The following ROBO2 variants were observed in gnomAD, a reference collection of about 807,000 sequenced individuals.
ROBO2 encodes roundabout guidance receptor 2, also known as roundabout homolog 2.
Under a neutral mutation model 160.8 loss-of-function variants are expected in ROBO2, and 53 were observed. The ratio of observed to expected loss-of-function variants is 0.33; its 90% CI spans 0.26 to 0.41. The LOEUF (loss-of-function observed/expected upper bound fraction) is 0.41. Ranked by LOEUF, ROBO2 falls within the 10% of genes least tolerant of loss-of-function variation. ROBO2 has a pLI of 1.00. For missense variants in ROBO2, 1,577 were observed against 1,722.4 expected (o/e 0.92, Z 1.49); for synonymous variants, 664 against 611.7 (o/e 1.09, Z -1.26).
chr3:76,834,522 A>G (rs2067495559), intron 2 of ROBO2, among the ~76,000 whole-genome samples: 1 of 151,920 alleles, frequency 6.6e-6, no homozygotes, highest in Admixed American at 6.6e-5. Context: ...ACAGGCACAC[A>G]CCACCGTGCC....
chr3:75,996,011 G>A (rs1349567896), intron 2 of ROBO2, among the ~76,000 whole-genome samples: 1 of 152,016 alleles, frequency 6.6e-6, no homozygotes, highest in Non-Finnish European at 1.5e-5. Flanking sequence ...TTGATTTGAT[G>A]TTACAAGCTC....
In ROBO2 at chr3:77,570,976, G is replaced by A. The variant is rs549493064; in HGVS notation, c.1971+2542G>A. 3.2e-4 allele frequency among the ~76,000 whole-genome samples: 48 copies of A among 152,108 alleles called. No homozygotes were observed. The South Asian group carries it at 7.3e-3, about 23-fold the overall frequency. ...GCAACAACTGCTTTCTAAAATGGCT[G>A]CTTTTAGAATGAGTGTGGGCAAAAA... On this transcript the variant is annotated intron_variant, in intron 13 of 25. Coordinates refer to ENST00000461745, the Ensembl canonical transcript of ROBO2.
At chr3:77,577,347 T>A in intron 14 of ROBO2, 143 bp from the exon 16 acceptor site, 1 of 884,936 alleles carries the variant, frequency 1.1e-6, no homozygotes, top group Non-Finnish European at 1.8e-6. Context: ...TCAAAAAAAC[T>A]GTCACTGTTG....
intron 2 of ROBO2, among the ~76,000 whole-genome samples, chr3:76,230,361 G>T (rs534102366): frequency 9.9e-5 from 15 of 151,980 alleles, no homozygotes; most frequent in African/African-American, 3.4e-4. Context: ...TCCTTCCCAG[G>T]TTACTACTAC....
chr3:76,339,377 G>A (rs1349166089), intron 2 of ROBO2, among the ~76,000 whole-genome samples: 2 of 151,878 alleles, frequency 1.3e-5, no homozygotes, highest in East Asian at 1.9e-4. Flanking sequence ...ATGCTTTAGT[G>A]GAATATAAAT....
At chr3:76,741,506 G>A (rs1334477601) in intron 2 of ROBO2, among the ~76,000 whole-genome samples, 1 of 152,042 alleles carries the variant, frequency 6.6e-6, no homozygotes, top group African/African-American at 2.4e-5. Flanking sequence ...TAGTTTGGTT[G>A]ATGTATTTTC....
chr3:77,483,709 A>G (rs972059680), intron 4 of ROBO2, among the ~76,000 whole-genome samples: 2 of 148,096 alleles, frequency 1.4e-5, no homozygotes, highest in African/African-American at 4.9e-5. Context: ...AAGTATATAT[A>G]TTATTATTAT....
intron 2 of ROBO2, among the ~76,000 whole-genome samples, chr3:76,351,238 T>C (rs1311232478): frequency 5.9e-5 from 9 of 151,840 alleles, no homozygotes; most frequent in Admixed American, 5.9e-4. Context: ...CCCTAAGTCA[T>C]ATGAAAAGAA....
rs55791437 is a variant in ROBO2, at chr3:76,157,939, G to C, written c.109+220337G>C. ...GCAGAGTCTCAAAATTACCATATCA[G>C]ATAGGAAATTCATTCTCTTTCCTCC... On this transcript the variant is annotated intron_variant, in intron 2 of 26. Transcript: ENST00000487694. Among the ~76,000 whole-genome samples, 971 of 152,182 alleles carry C rather than the reference G, an allele frequency of 6.4e-3. 18 individuals are homozygous for C. Among genetic ancestry groups the C allele is most frequent in the African/African-American group, 0.022 (933 of 41,540 alleles).
Position 77,047,903 on chromosome 3 carries a change from C to T in ROBO2, c.61+7057C>T, listed in dbSNP as rs573898172. Among the ~76,000 whole-genome samples, 132 of 150,528 alleles carry T rather than the reference C, an allele frequency of 8.8e-4. 2 individuals are homozygous for T. Among genetic ancestry groups the T allele is most frequent in the Admixed American group, 1.5e-3 (23 of 15,148 alleles). On this transcript the variant is annotated intron_variant, in intron 1 of 25. Coordinates refer to ENST00000461745, the Ensembl canonical transcript of ROBO2. ...CTAAAAATACAAAAAAATAATTAGC[C>T]GGGTGTGGTGGCGGGCGCCTGTAGT...
chr3:77,555,290 G>C (rs1427143686), intron 8 of ROBO2, among the ~76,000 whole-genome samples: 1 of 151,774 alleles, frequency 6.6e-6, no homozygotes, highest in Admixed American at 6.6e-5. Flanking sequence ...TTGCTTTATT[G>C]TTGTGGTCTA....
intron 2 of ROBO2, among the ~76,000 whole-genome samples, chr3:77,004,120 T>C (rs1408834784): frequency 6.6e-6 from 1 of 152,210 alleles, no homozygotes; most frequent in East Asian, 1.9e-4. Flanking sequence ...TAATTAACTT[T>C]TAGTGCCTTT....
intron 2 of ROBO2, among the ~76,000 whole-genome samples, chr3:76,096,161 TGG>T (rs1156383972): frequency 6.6e-6 from 1 of 152,172 alleles, no homozygotes; most frequent in Non-Finnish European, 1.5e-5. Context: ...CCTGTGATTC[TGG>T]GCCATCTTCC....
intron 2 of ROBO2, among the ~76,000 whole-genome samples, chr3:77,259,232 C>G (rs1417370199): frequency 6.6e-6 from 1 of 152,196 alleles, no homozygotes; most frequent in Non-Finnish European, 1.5e-5. Flanking sequence ...AATTTCTTCT[C>G]TCTCTGAGAT....
intron 2 of ROBO2, among the ~76,000 whole-genome samples, chr3:76,150,922 G>T (rs1331030517): frequency 6.6e-6 from 1 of 152,104 alleles, no homozygotes; most frequent in Non-Finnish European, 1.5e-5. Context: ...GTACAATGTA[G>T]CACACCATAG....
At chr3:76,216,367 A>C (rs1703528581) in intron 2 of ROBO2, among the ~76,000 whole-genome samples, 2 of 152,216 alleles carry the variant, frequency 1.3e-5, no homozygotes. Context: ...CAGACTGCAA[A>C]TTGGATAAAG....
chr3:77,375,596 A>G (rs994118442), intron 2 of ROBO2, among the ~76,000 whole-genome samples: 6 of 152,186 alleles, frequency 3.9e-5, no homozygotes, highest in African/African-American at 1.4e-4. Context: ...TTTCTTTACT[A>G]TGAAACTATC....
intron 2 of ROBO2, among the ~76,000 whole-genome samples, chr3:76,281,299 C>T (rs1708218622): frequency 6.6e-6 from 1 of 151,822 alleles, no homozygotes; most frequent in Non-Finnish European, 1.5e-5. Flanking sequence ...AATAAAGCAA[C>T]AATGCACATA....
Position 77,526,156 on chromosome 3 carries a change from G to A in ROBO2, c.934+3254G>A, listed in dbSNP as rs1397291883. Among the ~76,000 whole-genome samples the A allele has an allele frequency of 5.3e-5, 8 of 151,332 alleles. 1 individual carries two copies. Among genetic ancestry groups the A allele is most frequent in the Non-Finnish European group, 8.9e-5 (6 of 67,610 alleles). The stretch of plus-strand genomic sequence containing the variant: ...AGGGTTCCACTAAACCAGGCTTTTC[G>A]TACCACTGCTACAATTGCCTTATTG... On this transcript the variant is annotated intron_variant, in intron 6 of 25. Transcript: ENST00000461745.
Sources: allele counts gnomAD v4.1 joint callset (sites outside exome capture counted in the v4.1 genomes callset), GRCh38; gene constraint gnomAD v4.1.1; transcripts MANE v1.5; gene names NCBI Gene and HGNC (gene_info 2026-07-23, HGNC 2026-07-21).